The following SH2D4B variants were observed in gnomAD, a reference collection of about 807,000 sequenced individuals.
SH2D4B encodes SH2 domain containing 4B, also known as SH2 domain-containing protein 4B.
A neutral mutation model predicts 61.5 loss-of-function variants in SH2D4B; 45 were observed. That is an observed-to-expected ratio of 0.73 (90% CI 0.58 to 0.94). The LOEUF (loss-of-function observed/expected upper bound fraction) is 0.94, where lower values mean the gene tolerates loss of function less well. Among genes scored for constraint, SH2D4B ranks in the 40% least tolerant of loss-of-function variants. SH2D4B has a pLI of 0.00. For synonymous variants in SH2D4B, 224 were observed against 220.4 expected (o/e 1.02, Z -0.14); for missense variants, 572 against 574.2 (o/e 1.00, Z 0.04).
intron 1 of SH2D4B, among the ~76,000 whole-genome samples, chr10:80,544,275 G>A (rs890243291): frequency 2.6e-5 from 4 of 152,134 alleles, no homozygotes; most frequent in Admixed American, 6.5e-5. Flanking sequence ...ACAAAGGTCC[G>A]CAGCTTCACT....
chr10:80,549,507 T>C lies in SH2D4B; in HGVS notation c.184+10992T>C, dbSNP rs148998544. Among the ~76,000 whole-genome samples, 47 of 151,422 alleles carry C rather than the reference T, an allele frequency of 3.1e-4. 1 individual carries two copies. The highest frequency in any genetic ancestry group is 1.1e-3 in the African/African-American group (45 of 41,214). On this transcript the variant is annotated intron_variant, in intron 1 of 7. Coordinates refer to ENST00000646907, the MANE Select transcript of SH2D4B (RefSeq NM_001388272.1). ...AGGGGTGTAGTCTCAGCATCTCCCC[T>C]GGAGCTCAGACCCTTCATCTGTAAT...
At chr10:80,596,624 G>A (rs922220713) in intron 4 of SH2D4B, among the ~76,000 whole-genome samples, 8 of 152,198 alleles carry the variant, frequency 5.3e-5, no homozygotes, top group Non-Finnish European at 1.2e-4. Flanking sequence ...GTTCCTCATG[G>A]GTTCCGTCCT....
chr10:80,540,125 A>G (rs1413535384), intron 1 of SH2D4B, among the ~76,000 whole-genome samples: 1 of 152,214 alleles, frequency 6.6e-6, no homozygotes, highest in Non-Finnish European at 1.5e-5. Flanking sequence ...ATTATACATT[A>G]AACTCATTTG....
At chr10:80,552,992 T>G (rs147909838) in intron 1 of SH2D4B, among the ~76,000 whole-genome samples, 1,687 of 152,264 alleles carry the variant, frequency 0.011, 30 homozygotes, top group African/African-American at 0.039. Context: ...CTTGGCTCAC[T>G]GCAACCTCTG....
intron 3 of SH2D4B, among the ~76,000 whole-genome samples, chr10:80,574,308 T>G (rs1842098400): frequency 6.6e-6 from 1 of 152,176 alleles, no homozygotes; most frequent in South Asian, 2.1e-4. Context: ...AACTAATTTT[T>G]GTATTTTTTG....
intron 3 of SH2D4B, among the ~76,000 whole-genome samples, chr10:80,572,988 T>TATATA (rs1842080081): frequency 4.5e-4 from 5 of 11,058 alleles, no homozygotes; most frequent in Non-Finnish European, 9.0e-4. Flanking sequence ...ATATATATAT[T>TATATA]TTTTTTTTTT....
chr10:80,541,992 G>C (rs538746624), intron 1 of SH2D4B, among the ~76,000 whole-genome samples: 8 of 152,274 alleles, frequency 5.3e-5, no homozygotes, highest in African/African-American at 1.9e-4. Context: ...TCTATGCTGT[G>C]GTGGATGGTG....
At chr10:80,586,609 T>C (rs139430542) in intron 3 of SH2D4B, among the ~76,000 whole-genome samples, 40,780 of 151,902 alleles carry the variant, frequency 0.27, 6,408 homozygotes, top group African/African-American at 0.43. Flanking sequence ...CACCAATCAG[T>C]GCCCTGTCAA....
chr10:80,608,174 A>G (rs532057284), intron 5 of SH2D4B, among the ~76,000 whole-genome samples: 1 of 152,326 alleles, frequency 6.6e-6, no homozygotes, highest in East Asian at 1.9e-4. Flanking sequence ...TTTGCTCTGG[A>G]AATGGCTGAG....
intron 3 of SH2D4B, among the ~76,000 whole-genome samples, chr10:80,572,986 ATTTTTTTTTTTTT>A (rs61401607): frequency 3.4e-4 from 3 of 8,878 alleles, no homozygotes; most frequent in African/African-American, 3.7e-4. Flanking sequence ...ATATATATAT[ATTTTTTTTTTTTT>A]TTTTTTTTTT....
At chr10:80,551,276 G>T (rs11186011) in intron 1 of SH2D4B, among the ~76,000 whole-genome samples, 2 of 151,952 alleles carry the variant, frequency 1.3e-5, no homozygotes, top group Non-Finnish European at 2.9e-5. Context: ...GGATGGTCTC[G>T]ATCTCCTGAC....
chr10:80,635,177 T>C (rs1842882422), intron 7 of SH2D4B, among the ~76,000 whole-genome samples: 1 of 152,222 alleles, frequency 6.6e-6, no homozygotes, highest in Non-Finnish European at 1.5e-5. Flanking sequence ...GCATTCTTTT[T>C]GTTATTTGTC....
chr10:80,616,874 A>G (rs555906394), intron 6 of SH2D4B, among the ~76,000 whole-genome samples: 8 of 152,260 alleles, frequency 5.3e-5, no homozygotes, highest in Non-Finnish European at 1.2e-4. Flanking sequence ...GGTAGCCATT[A>G]CGTACATAGT....
At chr10:80,594,658 T>G (rs1341402690) in intron 4 of SH2D4B, among the ~76,000 whole-genome samples, 1 of 152,250 alleles carries the variant, frequency 6.6e-6, no homozygotes, top group African/African-American at 2.4e-5. Context: ...TTTAGTCTCT[T>G]CACTTGTTAT....
intron 1 of SH2D4B, among the ~76,000 whole-genome samples, chr10:80,543,190 G>C (rs1011776781): frequency 1.9e-4 from 29 of 152,288 alleles, no homozygotes; most frequent in African/African-American, 7.0e-4. Flanking sequence ...CCTTCAGCCC[G>C]CCGTTGCACT....
rs367997404 is a variant in SH2D4B, at chr10:80,603,757, C to T, written c.822C>T (p.Pro274=). The T allele has an allele frequency of 2.4e-5, 39 of 1,612,436 alleles. No individual in the cohort carries two copies. The highest frequency in any genetic ancestry group is 1.5e-4 in the Admixed American group (9 of 59,978). Residue 274 remains proline, a synonymous_variant, in exon 5 of 8, where the codon CCC becomes CCT. Transcript: ENST00000646907. ...AGGCAAGACTCTACCACCACCTCCC[C>T]GACCCGGGTCTGCCGCAGCCCCTTG... is the stretch of plus-strand genomic sequence containing the variant. ...EQEARLYHHL[P]DPGLPQPLAL...
rs370202225 is a variant in SH2D4B at position 80,603,682 on chromosome 10, C to T, written c.747C>T (p.Val249=). The change falls in exon 5 of 8, where the codon GTC becomes GTT. Residue 249 remains valine, a synonymous_variant. Coordinates refer to ENST00000646907, the MANE Select transcript of SH2D4B (RefSeq NM_001388272.1). Reference sequence around the variant, plus strand: ...TCCGTGCTATCCAGAAGGGCACGGTCGCTGGCCTCAGCTCCATGTTCCGGG... The same window carrying T: ...TCCGTGCTATCCAGAAGGGCACGGTTGCTGGCCTCAGCTCCATGTTCCGGG... The part of the protein sequence containing the change: ...HSLRAIQKGT[V]AGLSSMFREL... 3.4e-5 allele frequency: 55 copies of T among 1,612,062 alleles called. No individual in the cohort carries two copies. The highest frequency in any genetic ancestry group is 1.6e-4 in the African/African-American group (12 of 75,056).
At chr10:80,589,400 G>C (rs1317767743) in intron 4 of SH2D4B, among the ~76,000 whole-genome samples, 1 of 152,186 alleles carries the variant, frequency 6.6e-6, no homozygotes, top group Non-Finnish European at 1.5e-5. Context: ...GCTGGGATTG[G>C]TGGTGGCATG....
intron 1 of SH2D4B, among the ~76,000 whole-genome samples, chr10:80,545,665 C>T (rs1456583483): frequency 1.3e-5 from 2 of 152,108 alleles, no homozygotes; most frequent in African/African-American, 4.8e-5. Context: ...AGTTTCTATC[C>T]CAGCATCGAG....
Sources: gnomAD v4.1 joint callset for allele counts (sites outside exome capture counted in the v4.1 genomes callset) on GRCh38, gnomAD v4.1.1 for gene constraint, MANE v1.5 for transcripts, NCBI Gene and HGNC (gene_info 2026-07-23, HGNC 2026-07-21) for gene names.